The following ATF7IP2 variants were observed in gnomAD, a reference collection of about 807,000 sequenced individuals.
The protein encoded by ATF7IP2 is activating transcription factor 7-interacting protein 2.
In ATF7IP2, 42 loss-of-function variants were observed where a neutral mutation model predicts 64.2. The ratio of observed to expected loss-of-function variants is 0.65; its 90% CI spans 0.51 to 0.85. ATF7IP2 has a LOEUF of 0.85. Ranked by LOEUF, ATF7IP2 falls within the 40% of genes least tolerant of loss-of-function variation. The probability of loss-of-function intolerance (pLI) is 0.00; values close to 1 mark genes in which losing one functional copy is unlikely to be tolerated. For missense variants in ATF7IP2, 933 were observed against 784.2 expected, an observed-to-expected ratio of 1.19 and a Z score of -2.27; for synonymous variants, 308 against 272.8, an observed-to-expected ratio of 1.13 and a Z score of -1.27.
intron 9 of ATF7IP2, among the ~76,000 whole-genome samples, chr16:10,467,913 CTT>C (rs2049641160): frequency 3.6e-5 from 5 of 138,912 alleles, no homozygotes; most frequent in African/African-American, 1.4e-4. Flanking sequence ...GAGTTTTGCT[CTT>C]GTTGTCCAGG....
At chr16:10,428,185 A>AT (rs1491374452) in intron 3 of ATF7IP2, among the ~76,000 whole-genome samples, 2 of 152,262 alleles carry the variant, frequency 1.3e-5, no homozygotes, top group Admixed American at 6.5e-5. Context: ...TTGGAGAAAC[A>AT]TAAGTAAATG....
At chr16:10,476,926 T>C (rs988597688) in intron 12 of ATF7IP2, among the ~76,000 whole-genome samples, 2 of 152,218 alleles carry the variant, frequency 1.3e-5, no homozygotes, top group African/African-American at 4.8e-5. Context: ...GTTGATTCCA[T>C]GTCTTTGCTG....
At position 10,455,706 on chromosome 16, in the gene ATF7IP2, C is replaced by T. The variant is rs866879952; in HGVS notation, c.1195-1666C>T. 5.9e-5 allele frequency among the ~76,000 whole-genome samples: 9 copies of T among 152,184 alleles called. 1 individual carries two copies. The South Asian group carries it at 1.0e-3, about 18-fold the overall frequency. ...AGAAATTTGGAAGTTAAAGACTGCCCGTGGAGGTTAAAAGGAAATGAGCAC... is the reference window on the plus strand; with the variant it reads ...AGAAATTTGGAAGTTAAAGACTGCCTGTGGAGGTTAAAAGGAAATGAGCAC... On this transcript the variant is annotated intron_variant, in intron 8 of 13. Coordinates refer to ENST00000562102, the MANE Select transcript of ATF7IP2 (RefSeq NM_001393719.1).
chr16:10,476,245 T>G (rs1217005360), intron 12 of ATF7IP2, among the ~76,000 whole-genome samples: 1 of 152,152 alleles, frequency 6.6e-6, no homozygotes, highest in Admixed American at 6.5e-5. Flanking sequence ...AAAATACCAG[T>G]AAATAAGGTG....
chr16:10,477,724 C>T lies in ATF7IP2; in HGVS notation c.1550-3155C>T, dbSNP rs554172429. On this transcript the variant is annotated intron_variant, in intron 12 of 13. Transcript: ENST00000562102. ...AAGTCAAATTGTCCCTGTTTGCAGA[C>T]GACATGATTGTATATCTAGAAAACC... Among the ~76,000 whole-genome samples, 515 of 151,942 alleles carry T rather than the reference C, an allele frequency of 3.4e-3. 3 individuals carry two copies. The highest frequency in any genetic ancestry group is 9.1e-3 in the African/African-American group (376 of 41,460).
At chr16:10,479,292 AC>A (rs1285713562) in intron 12 of ATF7IP2, among the ~76,000 whole-genome samples, 3 of 151,678 alleles carry the variant, frequency 2.0e-5, no homozygotes, top group African/African-American at 7.3e-5. Flanking sequence ...AAAATGTGGC[AC>A]ATATACACCA....
rs2047761439 is a variant in ATF7IP2, at chr16:10,411,604, G to A, written c.-241-2970G>A. Among the ~76,000 whole-genome samples the A allele has an allele frequency of 2.0e-5, 3 of 152,056 alleles. 1 individual carries two copies. The South Asian group carries it at 6.2e-4, about 32-fold the overall frequency. ...AGGCTGGTTTGAACTCCTGACCTCTGGTGATCCACCCACCTTGGTCTCTCA... is the reference window on the plus strand; with the variant it reads ...AGGCTGGTTTGAACTCCTGACCTCTAGTGATCCACCCACCTTGGTCTCTCA... On this transcript the variant is annotated intron_variant, in intron 1 of 13. Transcript: ENST00000562102.
intron 8 of ATF7IP2, among the ~76,000 whole-genome samples, chr16:10,454,858 T>G (rs1274642250): frequency 6.6e-6 from 1 of 152,248 alleles, no homozygotes; most frequent in Non-Finnish European, 1.5e-5. Context: ...AGTGTGTGTT[T>G]AATTTCAAAA....
At chr16:10,439,285 A>G (rs971566952) in intron 7 of ATF7IP2, among the ~76,000 whole-genome samples, 8 of 151,904 alleles carry the variant, frequency 5.3e-5, no homozygotes, top group African/African-American at 1.9e-4. Context: ...GCTGGAGTGC[A>G]GTGGCGCGAT....
intron 1 of ATF7IP2, among the ~76,000 whole-genome samples, chr16:10,388,904 CG>C (rs2047264002): frequency 6.6e-6 from 1 of 151,610 alleles, no homozygotes; most frequent in African/African-American, 2.4e-5. Flanking sequence ...CCCAGCTTCT[CG>C]GGAAGCTGAG....
intron 1 of ATF7IP2, among the ~76,000 whole-genome samples, chr16:10,398,127 A>T (rs1262232375): frequency 6.6e-6 from 1 of 151,948 alleles, no homozygotes; most frequent in African/African-American, 2.4e-5. Context: ...AAGATGGCGA[A>T]ACCCCATCTC....
At chr16:10,410,352 G>GTTTTGT (rs529353000) in intron 1 of ATF7IP2, among the ~76,000 whole-genome samples, 4 of 129,876 alleles carry the variant, frequency 3.1e-5, no homozygotes, top group Admixed American at 7.4e-5. Flanking sequence ...GTTTTGTTTT[G>GTTTTGT]TTTTGTTTTT....
chr16:10,431,078 G>C lies in ATF7IP2; in HGVS notation c.458G>C (p.Arg153Thr). The change falls in exon 5 of 14, where the codon AGA becomes ACA. Residue 153 changes from arginine (R) to threonine (T), a missense_variant. Arg to Thr is a moderately conservative substitution (Grantham distance 71). Transcript: ENST00000562102. ...NDSEHQTNVT[R>T]SLFEHEGACS... ...TCTGAGCATCAGACAAATGTAACAA[G>C]ATCCCTTTTTGAGCATGAGGGGGCT... 2 of 1,614,148 alleles carry C rather than the reference G, an allele frequency of 1.2e-6. No homozygotes were observed. Among genetic ancestry groups the C allele is most frequent in the Non-Finnish European group, 8.5e-7 (1 of 1,180,020 alleles).
chr16:10,424,573 A>C lies in ATF7IP2; in HGVS notation c.-159-4295A>C, dbSNP rs568516590. 7.9e-5 allele frequency among the ~76,000 whole-genome samples: 12 copies of C among 152,344 alleles called. No individual in the cohort carries two copies. In the South Asian group the frequency reaches 2.3e-3, roughly 29 times the overall value. ...AAGACAATCCATATAATGCGAGGGA[A>C]AGTTTGTAAATTGTATCTTATAAGG... On this transcript the variant is annotated intron_variant, in intron 3 of 13. Coordinates refer to ENST00000562102, the MANE Select transcript of ATF7IP2 (RefSeq NM_001393719.1).
intron 1 of ATF7IP2, among the ~76,000 whole-genome samples, chr16:10,400,393 T>G (rs1262201656): frequency 6.6e-6 from 1 of 152,188 alleles, no homozygotes; most frequent in Non-Finnish European, 1.5e-5. Flanking sequence ...ATTAAGAGTT[T>G]TTTGGAAGAG....
rs536606012 is a variant in ATF7IP2 at position 10,422,629 on chromosome 16, G to A, written c.-160+3006G>A. 3.3e-5 allele frequency among the ~76,000 whole-genome samples: 5 copies of A among 152,308 alleles called. No individual in the cohort carries two copies. In the South Asian group the frequency reaches 1.0e-3, roughly 32 times the overall value. On this transcript the variant is annotated intron_variant, in intron 3 of 13. Transcript: ENST00000562102. ...TGAATTGGCCATGAGGACAGCCAGT[G>A]CTGTAGAGAAATGAATGAAATGTCT... is the stretch of plus-strand genomic sequence containing the variant.
intron 2 of ATF7IP2, among the ~76,000 whole-genome samples, chr16:10,418,635 C>T (rs959567381): frequency 6.6e-6 from 1 of 152,166 alleles, no homozygotes; most frequent in African/African-American, 2.4e-5. Flanking sequence ...TCAAGCACTC[C>T]AGTTCCTGGC....
At chr16:10,395,185 T>C (rs1278105078) in intron 1 of ATF7IP2, among the ~76,000 whole-genome samples, 1 of 152,018 alleles carries the variant, frequency 6.6e-6, no homozygotes, top group East Asian at 1.9e-4. Flanking sequence ...AAGGGAATAC[T>C]ATAGAATAAT....
rs1269268708 is a variant in ATF7IP2, at chr16:10,430,976, C to G, written c.356C>G (p.Pro119Arg). 1 of 1,614,072 alleles carries G rather than the reference C, an allele frequency of 6.2e-7. No individual in the cohort carries two copies. The highest frequency in any genetic ancestry group is 1.7e-5 in the Admixed American group (1 of 60,012). The change falls in exon 5 of 14, where the codon CCA becomes CGA. Residue 119 changes from proline (P) to arginine (R), a missense_variant. Physicochemically the swap from Pro to Arg is moderately radical, Grantham distance 103. Transcript: ENST00000562102. ...LEQVVCSYQKPSRTTESPSRV... is the reference protein window; with the variant it reads ...LEQVVCSYQKRSRTTESPSRV... ...CAAGTTGTTTGTTCGTACCAAAAGC[C>G]AAGTAGAACAACAGAATCCCCCAGC...
Sources: gnomAD v4.1 joint callset for allele counts (sites outside exome capture counted in the v4.1 genomes callset) on GRCh38, gnomAD v4.1.1 for gene constraint, MANE v1.5 for transcripts, NCBI Gene and HGNC (gene_info 2026-07-23, HGNC 2026-07-21) for gene names.